Variants in DLGAP2 observed in about 807,000 individuals in gnomAD.
The protein encoded by DLGAP2 is DLG associated protein 2, also known as disks large-associated protein 2.
A neutral mutation model predicts 100.3 loss-of-function variants in DLGAP2; 26 were observed. That is an observed-to-expected ratio of 0.26 (90% CI 0.19 to 0.36). DLGAP2 has a LOEUF of 0.36. Among genes scored for constraint, DLGAP2 ranks in the 10% least tolerant of loss-of-function variants. The pLI is 1.00. For synonymous variants in DLGAP2, 886 were observed against 630.1 expected, an observed-to-expected ratio of 1.41 and a Z score of -6.08; for missense variants, 1,858 against 1,453.2, an observed-to-expected ratio of 1.28 and a Z score of -4.53.
At chr8:794,601 G>A (rs558114307) in intron 1 of DLGAP2, among the ~76,000 whole-genome samples, 1 of 152,310 alleles carries the variant, frequency 6.6e-6, no homozygotes, top group Non-Finnish European at 1.5e-5. Context: ...ATGCCTTTAA[G>A]TGGTTTTCTA....
chr8:1,373,340 G>T (rs1426619527), intron 3 of DLGAP2, among the ~76,000 whole-genome samples: 1 of 151,826 alleles, frequency 6.6e-6, no homozygotes, highest in Non-Finnish European at 1.5e-5. Context: ...TTCCGGAGGC[G>T]CCGCGCCTGG....
intron 2 of DLGAP2, among the ~76,000 whole-genome samples, chr8:950,224 C>T: frequency 6.6e-6 from 1 of 152,254 alleles, no homozygotes; most frequent in South Asian, 2.1e-4. Flanking sequence ...CAAGATGCAG[C>T]TTCTTGATAA....
At chr8:1,260,269 C>T (rs1350008271) in intron 3 of DLGAP2, among the ~76,000 whole-genome samples, 1 of 151,990 alleles carries the variant, frequency 6.6e-6, no homozygotes, top group African/African-American at 2.4e-5. Context: ...GAATGCATAT[C>T]ATGCTTTGAG....
chr8:1,486,598 G>T (rs780106550), intron 3 of DLGAP2, among the ~76,000 whole-genome samples: 1 of 149,510 alleles, frequency 6.7e-6, no homozygotes. Context: ...GAGATGCGGC[G>T]GCGGCTCCTG....
intron 3 of DLGAP2, among the ~76,000 whole-genome samples, chr8:1,348,756 A>G (rs1406914047): frequency 3.9e-5 from 6 of 152,264 alleles, no homozygotes; most frequent in African/African-American, 1.2e-4. Flanking sequence ...TACACTCATG[A>G]TGGCTTTGCA....
At chr8:1,166,332 C>G (rs1169164388) in intron 2 of DLGAP2, among the ~76,000 whole-genome samples, 2 of 152,188 alleles carry the variant, frequency 1.3e-5, no homozygotes, top group African/African-American at 2.4e-5. Flanking sequence ...TATAATTATC[C>G]TCTTCATTCA....
At chr8:958,581 C>CAAAAAA (rs1563114216) in intron 2 of DLGAP2, among the ~76,000 whole-genome samples, 1 of 78,042 alleles carries the variant, frequency 1.3e-5, no homozygotes, top group Non-Finnish European at 2.6e-5. Flanking sequence ...AACTAGACCT[C>CAAAAAA]CAAAAAAAAA....
intron 2 of DLGAP2, among the ~76,000 whole-genome samples, chr8:960,830 A>G (rs1052939934): frequency 3.9e-5 from 6 of 152,248 alleles, no homozygotes; most frequent in Admixed American, 2.6e-4. Flanking sequence ...AAGTTGAACC[A>G]TTATAAGTCC....
rs575944613 is a variant in DLGAP2, at chr8:1,374,509, G to A, written c.106+115626G>A. Among the ~76,000 whole-genome samples the A allele has an allele frequency of 8.2e-4, 125 of 152,226 alleles. 4 individuals are homozygous for A. The South Asian group carries it at 0.025, about 30-fold the overall frequency. ...AGCAGGAGTTCTGAGGCTTCTGTTC[G>A]CTCCAATTTACTTAACAAAGGGCAT... On this transcript the variant is annotated intron_variant, in intron 3 of 14. Transcript: ENST00000637795.
chr8:1,436,983 T>A (rs866573873), intron 3 of DLGAP2, among the ~76,000 whole-genome samples: 1 of 152,238 alleles, frequency 6.6e-6, no homozygotes, highest in Non-Finnish European at 1.5e-5. Flanking sequence ...AGGAGGCCTA[T>A]GCCGTTCGGC....
intron 3 of DLGAP2, among the ~76,000 whole-genome samples, chr8:1,317,813 G>A (rs1800797537): frequency 7.1e-6 from 1 of 141,016 alleles, no homozygotes; most frequent in Non-Finnish European, 1.5e-5. Flanking sequence ...GAGCGTGTGC[G>A]AGTGCAGCGT....
intron 2 of DLGAP2, among the ~76,000 whole-genome samples, chr8:922,253 G>A (rs1034185808): frequency 4.6e-5 from 7 of 152,164 alleles, no homozygotes; most frequent in African/African-American, 1.4e-4. Flanking sequence ...CCCATTAACC[G>A]TATCTCTATG....
chr8:1,627,818 C>T (rs957859906), intron 7 of DLGAP2, among the ~76,000 whole-genome samples: 34 of 151,882 alleles, frequency 2.2e-4, no homozygotes, highest in Non-Finnish European at 4.6e-4. Context: ...TTCTCTCTGA[C>T]TTACTGTGGA....
At chr8:1,373,255 G>T (rs1283521008) in intron 3 of DLGAP2, among the ~76,000 whole-genome samples, 2 of 150,398 alleles carry the variant, frequency 1.3e-5, no homozygotes, top group South Asian at 4.1e-4. Flanking sequence ...TCGGGGGGAG[G>T]CGCCGCCGCC....
chr8:1,037,523 G>GA (rs1264081914), intron 2 of DLGAP2, among the ~76,000 whole-genome samples: 2 of 152,030 alleles, frequency 1.3e-5, no homozygotes, highest in African/African-American at 4.8e-5. Context: ...CGGAGCACGT[G>GA]GACGTGTCAG....
At chr8:963,175 T>C (rs908364160) in intron 2 of DLGAP2, among the ~76,000 whole-genome samples, 34 of 152,132 alleles carry the variant, frequency 2.2e-4, no homozygotes, top group African/African-American at 7.7e-4. Context: ...AGGAAGGAGA[T>C]GGCCACTGGT....
At chr8:973,644 A>G (rs1009680104) in intron 2 of DLGAP2, among the ~76,000 whole-genome samples, 1 of 152,228 alleles carries the variant, frequency 6.6e-6, no homozygotes, top group African/African-American at 2.4e-5. Context: ...AGCCGAGATC[A>G]CGCCACTGCA....
chr8:1,125,932 A>C (rs958616283), intron 2 of DLGAP2, among the ~76,000 whole-genome samples: 1 of 152,232 alleles, frequency 6.6e-6, no homozygotes, highest in Non-Finnish European at 1.5e-5. Context: ...TGGCATTGGC[A>C]TTGAGAATCC....
rs111759487 is a variant in DLGAP2, at chr8:1,030,964, C to T, written c.73+122998C>T. On this transcript the variant is annotated intron_variant, in intron 2 of 14. Coordinates refer to ENST00000637795, the MANE Select transcript of DLGAP2 (RefSeq NM_001346810.2). ...CAGTGTCAGATCCACACCGACTTCCCGGGAAACTGGCCAGTTGTTTTCATT... is the reference window on the plus strand; with the variant it reads ...CAGTGTCAGATCCACACCGACTTCCTGGGAAACTGGCCAGTTGTTTTCATT... 9.0e-3 allele frequency among the ~76,000 whole-genome samples: 1,366 copies of T among 152,236 alleles called. 21 individuals carry two copies. The highest frequency in any genetic ancestry group is 0.03 in the African/African-American group (1,231 of 41,524).
Sources: allele counts gnomAD v4.1 joint callset (sites outside exome capture counted in the v4.1 genomes callset), GRCh38; gene constraint gnomAD v4.1.1; transcripts MANE v1.5; gene names NCBI Gene and HGNC (gene_info 2026-07-23, HGNC 2026-07-21).